Variants in VGLL4 observed in about 807,000 individuals in gnomAD.
VGLL4 encodes the protein vestigial like family member 4, also known as transcription cofactor vestigial-like protein 4.
In VGLL4, 7 loss-of-function variants were observed where a neutral mutation model predicts 21.0. That is an observed-to-expected ratio of 0.33 (90% CI 0.19 to 0.63). The LOEUF (loss-of-function observed/expected upper bound fraction) is 0.63. Among genes scored for constraint, VGLL4 ranks in the 20% least tolerant of loss-of-function variants. The pLI, the probability that VGLL4 is intolerant of heterozygous loss-of-function variation, is 0.78. For missense variants in VGLL4, 394 were observed against 425.7 expected (o/e 0.93, Z 0.66); for synonymous variants, 222 against 173.2 (o/e 1.28, Z -2.21).
intron 1 of VGLL4, among the ~76,000 whole-genome samples, chr3:11,716,876 ACACC>A (rs2076925572): frequency 6.6e-6 from 1 of 152,042 alleles, no homozygotes; most frequent in Non-Finnish European, 1.5e-5. Context: ...CTTCTATTAA[ACACC>A]CACCCATAGC....
intron 1 of VGLL4, among the ~76,000 whole-genome samples, chr3:11,707,639 C>T (rs544027311): frequency 1.3e-5 from 2 of 152,104 alleles, no homozygotes; most frequent in East Asian, 1.9e-4. Flanking sequence ...CGCTTGAGCC[C>T]GGGAGTTCCA....
chr3:11,640,173 G>A (rs535515320), intron 1 of VGLL4, among the ~76,000 whole-genome samples: 1 of 152,278 alleles, frequency 6.6e-6, no homozygotes, highest in Admixed American at 6.5e-5. Context: ...TTGAGAGCTT[G>A]CACTGATTTT....
rs1206833619 is a variant in VGLL4, at chr3:11,565,471, T to C, written c.273-452A>G. On this transcript the variant is annotated intron_variant, in intron 2 of 4. Transcript: ENST00000430365. The surrounding 1 kb of genome is among the most constrained non-coding windows in gnomAD (Gnocchi z 4.1). ...CACAGCACTGCTCAGCCCATCTTCCTCACAGTACTGCTCAGCCCGTCTTCC... is the reference window on the plus strand; with the variant it reads ...CACAGCACTGCTCAGCCCATCTTCCCCACAGTACTGCTCAGCCCGTCTTCC... 1.3e-5 allele frequency among the ~76,000 whole-genome samples: 2 copies of C among 152,094 alleles called. No homozygotes were observed. Among genetic ancestry groups the C allele is most frequent in the Non-Finnish European group, 2.9e-5 (2 of 67,998 alleles).
At chr3:11,648,185 T>C (rs1343987872), upstream of VGLL4, among the ~76,000 whole-genome samples, 1 of 152,192 alleles carries the variant, frequency 6.6e-6, no homozygotes, top group African/African-American at 2.4e-5. Flanking sequence ...TATCAAATAT[T>C]TAAAACATAA....
chr3:11,563,682 AC>A (rs2073248477), intron 3 of VGLL4, among the ~76,000 whole-genome samples: 1 of 152,082 alleles, frequency 6.6e-6, no homozygotes, highest in Admixed American at 6.5e-5. Context: ...CCAGACTAAA[AC>A]TGAGCGTGCT....
intron 1 of VGLL4, among the ~76,000 whole-genome samples, chr3:11,608,362 A>G (rs1293830146): frequency 6.6e-6 from 1 of 152,210 alleles, no homozygotes; most frequent in Non-Finnish European, 1.5e-5. Flanking sequence ...AATGCCGAAT[A>G]TATACAAAAT....
At chr3:11,681,036 T>C (rs2076361093) in intron 2 of VGLL4, among the ~76,000 whole-genome samples, 2 of 152,126 alleles carry the variant, frequency 1.3e-5, no homozygotes, top group Admixed American at 1.3e-4. Flanking sequence ...AGAAACGTGC[T>C]AGTCCCATGG....
At chr3:11,672,377 G>GT (rs5846721) in intron 2 of VGLL4, among the ~76,000 whole-genome samples, 1 of 151,928 alleles carries the variant, frequency 6.6e-6, no homozygotes, top group Non-Finnish European at 1.5e-5. Flanking sequence ...TCTATTTAGT[G>GT]TTTTTTTTTA....
chr3:11,611,972 G>C (rs2075071823), intron 1 of VGLL4: 1 of 152,078 alleles, frequency 6.6e-6, no homozygotes, highest in Non-Finnish European at 1.5e-5. Context: ...TGATGATACT[G>C]GTGCAGGAGG....
intron 1 of VGLL4, 48 bp from the exon 2 acceptor site, chr3:11,602,070 A>G (rs2074816917): frequency 1.4e-6 from 2 of 1,454,398 alleles, no homozygotes; most frequent in Non-Finnish European, 1.8e-6. Context: ...AAAGGCCCCC[A>G]TCTCAGTCCC....
At chr3:11,596,421 G>C (rs968921446) in intron 2 of VGLL4, among the ~76,000 whole-genome samples, 1 of 152,156 alleles carries the variant, frequency 6.6e-6, no homozygotes, top group Non-Finnish European at 1.5e-5. Flanking sequence ...AGTGGTATTG[G>C]CACCATGCTT....
chr3:11,582,489 G>T, intron 2 of VGLL4: 1 of 926,322 alleles, frequency 1.1e-6, no homozygotes. Context: ...TTTCCTATGG[G>T]TCCTGGGGTA....
At chr3:11,668,748 C>G (rs149971036) in intron 2 of VGLL4, among the ~76,000 whole-genome samples, 1 of 152,230 alleles carries the variant, frequency 6.6e-6, no homozygotes, top group African/African-American at 2.4e-5. Flanking sequence ...CTCTCTTGCA[C>G]GTTTGGAGAA....
At chr3:11,656,563 T>C (rs2075962024) in intron 2 of VGLL4, among the ~76,000 whole-genome samples, 1 of 152,104 alleles carries the variant, frequency 6.6e-6, no homozygotes, top group African/African-American at 2.4e-5. Flanking sequence ...ACTCTAGAGC[T>C]GAGATGTCCA....
At chr3:11,702,881 C>A in intron 2 of VGLL4, 2 of 1,239,876 alleles carry the variant, frequency 1.6e-6, no homozygotes, top group South Asian at 1.7e-5. Context: ...GCCAGAAAAC[C>A]ATGTAGAGAA....
At chr3:11,686,713 G>A (rs936364381) in intron 2 of VGLL4, among the ~76,000 whole-genome samples, 5 of 152,066 alleles carry the variant, frequency 3.3e-5, no homozygotes, top group African/African-American at 1.2e-4. Context: ...CTTCCTCCAT[G>A]GATTTTAAAT....
At chr3:11,586,397 G>A (rs745986120) in intron 2 of VGLL4, among the ~76,000 whole-genome samples, 8 of 152,154 alleles carry the variant, frequency 5.3e-5, no homozygotes, top group Non-Finnish European at 1.0e-4. Flanking sequence ...AAATTTGGCT[G>A]GAATATGTAG....
intron 1 of VGLL4, among the ~76,000 whole-genome samples, chr3:11,713,840 A>G (rs2076883359): frequency 6.6e-6 from 1 of 152,022 alleles, no homozygotes; most frequent in African/African-American, 2.4e-5. Flanking sequence ...CCATTAACTC[A>G]GACCAAATAA....
At chr3:11,592,493 C>T (rs1198466315) in intron 2 of VGLL4, among the ~76,000 whole-genome samples, 1 of 152,092 alleles carries the variant, frequency 6.6e-6, no homozygotes, top group African/African-American at 2.4e-5. Flanking sequence ...GGGCCTCCAC[C>T]CCTTTACTTC....
Sources: gnomAD v4.1 joint callset for allele counts (sites outside exome capture counted in the v4.1 genomes callset) on GRCh38, gnomAD v4.1.1 for gene constraint, Gnocchi (gnomAD v3.1) non-coding constraint, MANE v1.5 for transcripts, NCBI Gene and HGNC (gene_info 2026-07-23, HGNC 2026-07-21) for gene names.